TMEM126B: variants seen among roughly 807,000 people sequenced by gnomAD.
TMEM126B encodes the protein complex I assembly factor TMEM126B, mitochondrial.
TMEM126B carries 19 observed loss-of-function variants against 16.5 expected under a neutral mutation model. The ratio of observed to expected loss-of-function variants is 1.15; its 90% CI spans 0.80 to 1.69. The LOEUF is 1.69. Among genes scored for constraint, TMEM126B ranks in the 40% most tolerant of loss-of-function variants. The probability of loss-of-function intolerance (pLI) is 0.00; values close to 1 mark genes in which losing one functional copy is unlikely to be tolerated. For synonymous variants in TMEM126B, 104 were observed against 93.2 expected (o/e 1.12, Z -0.67); for missense variants, 293 against 278.7 (o/e 1.05, Z -0.37).
chr11:85,631,111 CCAAGGCAA>C (rs2082288027), intron 1 of TMEM126B: 1 of 1,279,652 alleles, frequency 7.8e-7, no homozygotes, highest in Non-Finnish European at 1.0e-6. Flanking sequence ...TCACTATTCT[CCAAGGCAA>C]TCCCTGCTCT....
At chr11:85,634,548 G>A in intron 3 of TMEM126B, 1 of 326,752 alleles carries the variant, frequency 3.1e-6, no homozygotes. Flanking sequence ...ATTGGCTGTG[G>A]CATACAACGC....
intron 1 of TMEM126B, chr11:85,629,172 G>T: frequency 8.0e-7 from 1 of 1,252,336 alleles, no homozygotes; most frequent in Non-Finnish European, 1.0e-6. Context: ...GGATTCCTGA[G>T]GATGGGATGA....
At position 85,631,806 on chromosome 11, in the gene TMEM126B, A is replaced by T. The variant is rs768901452; in HGVS notation, c.201A>T (p.Glu67Asp). The part of the protein sequence containing the change: ...IEKNFDYLRK[E>D]MTQNIYQMAT... ...AAAATTTTGACTATCTTAGAAAAGA[A>T]ATGTAAGAGAAATGCCCAGGCTGAA... The change falls in exon 2 of 5, where the codon GAA becomes GAT. Residue 67 changes from glutamate (E) to aspartate (D), a missense_variant and splice_region_variant. Physicochemically the swap from Glu to Asp is conservative, Grantham distance 45. Coordinates refer to ENST00000358867, the MANE Select transcript of TMEM126B (RefSeq NM_018480.7). The T allele has an allele frequency of 1.1e-5, 18 of 1,602,214 alleles. 1 individual carries two copies. The South Asian group carries it at 1.9e-4, about 17-fold the overall frequency.
intron 1 of TMEM126B, chr11:85,629,060 ATTGT>A: frequency 2.0e-6 from 1 of 501,782 alleles, no homozygotes; most frequent in Non-Finnish European, 3.7e-6. Flanking sequence ...CTCTGGCTAG[ATTGT>A]TTGCTTTTTC....
At chr11:85,635,120 T>C (rs1057201564) in intron 3 of TMEM126B, 12 of 152,306 alleles carry the variant, frequency 7.9e-5, no homozygotes, top group African/African-American at 2.7e-4. Context: ...AGTTTAGTAT[T>C]GTCATTATAA....
intron 1 of TMEM126B, 125 bp from the exon 2 acceptor site, chr11:85,631,562 A>G: frequency 2.7e-6 from 3 of 1,096,074 alleles, no homozygotes; most frequent in Non-Finnish European, 3.9e-6. Flanking sequence ...GTGAAAGCAG[A>G]CGACACAGTA....
At chr11:85,629,796 CA>C (rs373643567) in intron 1 of TMEM126B, among the ~76,000 whole-genome samples, 59 of 152,262 alleles carry the variant, frequency 3.9e-4, no homozygotes, top group African/African-American at 1.4e-3. Context: ...TTATACTTTC[CA>C]TTTGGGTGTC....
chr11:85,629,042 C>T, intron 1 of TMEM126B: 1 of 485,880 alleles, frequency 2.1e-6, no homozygotes, highest in East Asian at 6.5e-5. Flanking sequence ...GAAGCCTTCC[C>T]ACGCTTCCTC....
intron 2 of TMEM126B, among the ~76,000 whole-genome samples, chr11:85,632,479 C>G (rs889622104): frequency 2.6e-5 from 4 of 152,008 alleles, no homozygotes; most frequent in Non-Finnish European, 5.9e-5. Context: ...TTTAAATGAA[C>G]AAAGTTCAAG....
chr11:85,631,638 G>A (rs2082298236), intron 1 of TMEM126B, 49 bp from the exon 2 acceptor site: 1 of 1,568,524 alleles, frequency 6.4e-7, no homozygotes, highest in Non-Finnish European at 8.6e-7. Context: ...AAGGTTTTAT[G>A]TAATATGAAT....
Position 85,635,713 on chromosome 11 carries a change from C to CA in TMEM126B, c.445dup (p.Ile149AsnfsTer15). On this transcript the variant is annotated frameshift_variant, in exon 4 of 5. Transcript: ENST00000358867. LOFTEE classifies it high-confidence loss of function. ...GTGTTTTCAGAAGCTCACTGATTGG[C>CA]ATAGTTTGTGGTGTTTTCTATCCCA... is the stretch of plus-strand genomic sequence containing the variant. The CA allele has an allele frequency of 6.2e-7, 1 of 1,609,318 alleles. No individual in the cohort carries two copies. The highest frequency in any genetic ancestry group is 1.1e-5 in the South Asian group (1 of 89,678).
At chr11:85,635,981 G>A in intron 4 of TMEM126B, 65 bp from the exon 5 acceptor site, 1 of 1,469,080 alleles carries the variant, frequency 6.8e-7, no homozygotes, top group Non-Finnish European at 9.1e-7. Flanking sequence ...CAATTTAGGA[G>A]AAGTCAACAA....
At chr11:85,629,284 A>G (rs1476762019) in intron 1 of TMEM126B, 1 of 1,249,138 alleles carries the variant, frequency 8.0e-7, no homozygotes, top group African/African-American at 1.5e-5. Context: ...TATTAGGTGA[A>G]AAATTTATTA....
intron 2 of TMEM126B, among the ~76,000 whole-genome samples, chr11:85,632,824 T>C (rs897108824): frequency 2.0e-4 from 31 of 152,218 alleles, no homozygotes; most frequent in Non-Finnish European, 4.0e-4. Context: ...TATTATACTT[T>C]AAGTTTTAGG....
chr11:85,629,113 T>C (rs1021115605), intron 1 of TMEM126B: 8 of 734,560 alleles, frequency 1.1e-5, no homozygotes, highest in Non-Finnish European at 1.7e-5. Flanking sequence ...ACTCTCTCAT[T>C]CTGTGTTTAA....
Position 85,636,169 on chromosome 11 carries a change from T to C in TMEM126B, c.633T>C (p.Asn211=). The C allele has an allele frequency of 6.2e-7, 1 of 1,611,138 alleles. No homozygotes were observed. Among genetic ancestry groups the C allele is most frequent in the Non-Finnish European group, 8.5e-7 (1 of 1,179,194 alleles). The stretch of plus-strand genomic sequence containing the variant: ...TTCAGATTATGTTTGGAATATTAAA[T>C]GGTCTATACCATTATGCAGTATTTG... ...LVFQIMFGIL[N]GLYHYAVFEE... The change falls in exon 5 of 5, where the codon AAT becomes AAC. Residue 211 remains asparagine (N), a synonymous_variant. Coordinates refer to ENST00000358867, the MANE Select transcript of TMEM126B (RefSeq NM_018480.7).
intron 1 of TMEM126B, 81 bp downstream of exon 1, chr11:85,628,769 T>G: frequency 7.3e-7 from 1 of 1,373,972 alleles, no homozygotes; most frequent in Non-Finnish European, 1.0e-6. Context: ...ATGATACCTT[T>G]AAAGGAGATT....
Position 85,634,110 on chromosome 11 carries a change from G to C in TMEM126B, c.228G>C (p.Ala76=). 1.2e-6 allele frequency: 2 copies of C among 1,612,940 alleles called. No homozygotes were observed. Among genetic ancestry groups the C allele is most frequent in the Non-Finnish European group, 1.7e-6 (2 of 1,179,724 alleles). Residue 76 remains alanine, a synonymous_variant, in exon 3 of 5, where the codon GCG becomes GCC. Coordinates refer to ENST00000358867, the MANE Select transcript of TMEM126B (RefSeq NM_018480.7). ...GGACACAAAATATATATCAAATGGC[G>C]ACATTTGGAACAACAGCTGGTTTCT... ...KEMTQNIYQM[A]TFGTTAGFSG... is the part of the protein sequence containing the mutation.
intron 3 of TMEM126B, chr11:85,634,746 TTTAATG>T (rs2082367901): frequency 6.6e-6 from 1 of 152,646 alleles, no homozygotes; most frequent in South Asian, 2.1e-4. Context: ...ATTATGGGCT[TTTAATG>T]TTATTTCCTG....
Sources: allele counts gnomAD v4.1 joint callset (sites outside exome capture counted in the v4.1 genomes callset), GRCh38; gene constraint gnomAD v4.1.1; transcripts MANE v1.5; gene names NCBI Gene and HGNC (gene_info 2026-07-23, HGNC 2026-07-21).